Variants in OLA1 observed in about 807,000 individuals in gnomAD.
The protein encoded by OLA1 is obg-like ATPase 1.
Under a neutral mutation model 48.4 loss-of-function variants are expected in OLA1, and 14 were observed. The observed-to-expected ratio is 0.29, with a 90% CI of 0.19 to 0.45. The LOEUF (loss-of-function observed/expected upper bound fraction) is 0.45, where lower values mean the gene tolerates loss of function less well. Ranked by LOEUF, OLA1 falls within the 20% of genes least tolerant of loss-of-function variation. The probability of loss-of-function intolerance (pLI) is 1.00; values close to 1 mark genes in which losing one functional copy is unlikely to be tolerated. For missense variants in OLA1, 325 were observed against 467.1 expected (o/e 0.70, Z 2.80); for synonymous variants, 127 against 150.4 (o/e 0.84, Z 1.14).
chr2:174,099,180 G>A (rs550503564), intron 7 of OLA1, among the ~76,000 whole-genome samples: 6 of 150,426 alleles, frequency 4.0e-5, no homozygotes, highest in African/African-American at 1.2e-4. Flanking sequence ...TTTTTGAGAC[G>A]GAGTCTCGCT....
At chr2:174,126,335 G>GA (rs895221241) in intron 5 of OLA1, among the ~76,000 whole-genome samples, 5 of 150,664 alleles carry the variant, frequency 3.3e-5, no homozygotes, top group Non-Finnish European at 4.4e-5. Flanking sequence ...TGGTTAACTG[G>GA]AAAAAAAAAT....
rs746776961 is a variant in OLA1, at chr2:174,075,372, T to C, written c.*54A>G. 40 of 1,060,656 alleles carry C rather than the reference T, an allele frequency of 3.8e-5. No homozygotes were observed. The East Asian group carries it at 9.9e-4, about 26-fold the overall frequency. 65.7% of individuals were successfully genotyped at this position (1,060,656 alleles called of 1,614,324 possible). A position where few individuals can be genotyped will look rare whatever the true frequency, so the allele number is the denominator to read the frequency against. On this transcript the variant is annotated 3_prime_UTR_variant, in exon 11 of 11. Transcript: ENST00000284719. Reference sequence around the variant, plus strand: ...TTGGTTTTCAGAAATTTTAATTTTTTAAAAATCAGATGCCTTTTGGAAGTT... The same window carrying C: ...TTGGTTTTCAGAAATTTTAATTTTTCAAAAATCAGATGCCTTTTGGAAGTT...
chr2:174,231,063 C>A (rs921735786), intron 2 of OLA1, among the ~76,000 whole-genome samples: 1 of 152,220 alleles, frequency 6.6e-6, no homozygotes, highest in Non-Finnish European at 1.5e-5. Context: ...TGGAGAACCT[C>A]AGGCACACCA....
intron 4 of OLA1, among the ~76,000 whole-genome samples, chr2:174,195,736 T>A (rs1687865923): frequency 6.6e-6 from 1 of 152,222 alleles, no homozygotes; most frequent in Non-Finnish European, 1.5e-5. Flanking sequence ...TACCACTGGC[T>A]ACTTTAGAAA....
At chr2:174,150,262 G>T (rs1334481224) in intron 4 of OLA1, among the ~76,000 whole-genome samples, 2 of 152,150 alleles carry the variant, frequency 1.3e-5, no homozygotes, top group Non-Finnish European at 2.9e-5. Context: ...GTTATAAAAA[G>T]TTCGGCCATC....
At chr2:174,223,647 T>C (rs1038310257) in intron 3 of OLA1, among the ~76,000 whole-genome samples, 2 of 151,804 alleles carry the variant, frequency 1.3e-5, no homozygotes, top group Admixed American at 1.3e-4. Context: ...AAGGAAATTA[T>C]GCCTTAGAGG....
chr2:174,091,651 T>A (rs1685114305), intron 7 of OLA1, among the ~76,000 whole-genome samples: 1 of 151,730 alleles, frequency 6.6e-6, no homozygotes, highest in African/African-American at 2.4e-5. Flanking sequence ...TTTGGGAGGC[T>A]GAGGTGGGCA....
intron 7 of OLA1, among the ~76,000 whole-genome samples, chr2:174,114,616 C>T (rs1685738656): frequency 6.6e-6 from 1 of 152,120 alleles, no homozygotes; most frequent in Admixed American, 6.5e-5. Flanking sequence ...CAACATTTCC[C>T]ACAGCCCCAT....
intron 4 of OLA1, among the ~76,000 whole-genome samples, chr2:174,182,529 AAAAAAT>A (rs914194937): frequency 1.3e-5 from 2 of 152,324 alleles, no homozygotes; most frequent in East Asian, 1.9e-4. Context: ...CTCCGTCTCA[AAAAAAT>A]AAAAATAAAA....
chr2:174,211,234 A>G (rs575893006), intron 4 of OLA1, among the ~76,000 whole-genome samples: 37 of 151,754 alleles, frequency 2.4e-4, no homozygotes, highest in African/African-American at 7.7e-4. Context: ...TTCTCTCACT[A>G]CACTAAAGTT....
At chr2:174,232,600 A>ATT (rs1688755686) in intron 2 of OLA1, among the ~76,000 whole-genome samples, 1 of 152,210 alleles carries the variant, frequency 6.6e-6, no homozygotes, top group Non-Finnish European at 1.5e-5. Context: ...ATGGCTAAAA[A>ATT]AATATGAAAA....
At chr2:174,174,723 A>G (rs910670409) in intron 4 of OLA1, among the ~76,000 whole-genome samples, 2 of 152,062 alleles carry the variant, frequency 1.3e-5, no homozygotes, top group African/African-American at 4.8e-5. Flanking sequence ...GACAGTTTCA[A>G]TACAAAGTCA....
chr2:174,243,751 T>G (rs1410326003), intron 2 of OLA1, among the ~76,000 whole-genome samples: 1 of 152,232 alleles, frequency 6.6e-6, no homozygotes, highest in Non-Finnish European at 1.5e-5. Context: ...TAGTAAATGT[T>G]CAATATCTGA....
chr2:174,126,487 A>C (rs965409504), intron 5 of OLA1, among the ~76,000 whole-genome samples: 1 of 152,158 alleles, frequency 6.6e-6, no homozygotes, highest in Admixed American at 6.5e-5. Flanking sequence ...AATTCTGTAC[A>C]TTATAGAGAT....
Position 174,081,144 on chromosome 2 carries a change from A to T in OLA1, c.966+8T>A, listed in dbSNP as rs775534335. ...TGGATATAGCTGATGAATAAGTATG[A>T]ATCTTACCCTGATGGTCCATGCACG... On this transcript the variant is annotated splice_region_variant and intron_variant, in intron 9 of 10. Coordinates refer to ENST00000284719, the MANE Select transcript of OLA1 (RefSeq NM_013341.5). The T allele has an allele frequency of 2.8e-5, 45 of 1,605,872 alleles. No individual in the cohort carries two copies. Among genetic ancestry groups the T allele is most frequent in the Non-Finnish European group, 3.7e-5 (43 of 1,172,998 alleles).
At chr2:174,200,457 C>T (rs1022053469) in intron 4 of OLA1, among the ~76,000 whole-genome samples, 8 of 152,032 alleles carry the variant, frequency 5.3e-5, no homozygotes, top group Non-Finnish European at 7.4e-5. Flanking sequence ...TTGGCTATTT[C>T]CAGAACTGGG....
chr2:174,085,892 T>C (rs1252245298), intron 7 of OLA1, among the ~76,000 whole-genome samples: 6 of 152,238 alleles, frequency 3.9e-5, no homozygotes, highest in African/African-American at 4.8e-5. Context: ...CTTTGACTTA[T>C]AGTTTCTTAA....
At chr2:174,129,592 TG>T (rs1214279112) in intron 5 of OLA1, among the ~76,000 whole-genome samples, 1 of 151,776 alleles carries the variant, frequency 6.6e-6, no homozygotes, top group Non-Finnish European at 1.5e-5. Flanking sequence ...ATAATGAAAC[TG>T]GTTAGATAAC....
At chr2:174,085,664 T>C (rs1321762400) in intron 7 of OLA1, among the ~76,000 whole-genome samples, 2 of 152,228 alleles carry the variant, frequency 1.3e-5, no homozygotes, top group African/African-American at 4.8e-5. Flanking sequence ...CCTTGTGATC[T>C]GACTTTCTTA....
Sources: gnomAD v4.1 joint callset for allele counts (sites outside exome capture counted in the v4.1 genomes callset) on GRCh38, gnomAD v4.1.1 for gene constraint, MANE v1.5 for transcripts, NCBI Gene and HGNC (gene_info 2026-07-23, HGNC 2026-07-21) for gene names.